CTIF: variants seen among roughly 807,000 people sequenced by gnomAD.
CTIF encodes CBP80/20-dependent translation initiation factor.
Under a neutral mutation model 66.0 loss-of-function variants are expected in CTIF, and 21 were observed. The observed-to-expected ratio is 0.32, with a 90% CI of 0.23 to 0.46. The LOEUF (loss-of-function observed/expected upper bound fraction) is 0.46. CTIF is among the 20% of genes least tolerant of loss of function. CTIF has a pLI of 1.00. For missense variants in CTIF, 739 were observed against 812.7 expected (o/e 0.91, Z 1.10); for synonymous variants, 345 against 326.4 (o/e 1.06, Z -0.62).
At chr18:48,830,732 AC>A (rs33979890) in intron 10 of CTIF, among the ~76,000 whole-genome samples, 118,733 of 132,892 alleles carry the variant, frequency 0.89, 52,968 homozygotes, top group East Asian at 1. Flanking sequence ...AGTTTCTCAG[AC>A]CCCCCCCCGA....
At chr18:48,747,843 T>C (rs1472028994) in intron 7 of CTIF, among the ~76,000 whole-genome samples, 1 of 151,684 alleles carries the variant, frequency 6.6e-6, no homozygotes, top group Non-Finnish European at 1.5e-5. Flanking sequence ...ACCTGAGCCC[T>C]GGAGGTCAAG....
In CTIF at chr18:48,621,785, T is replaced by C. The variant is rs2090498219; in HGVS notation, c.180+2040T>C. On this transcript the variant is annotated intron_variant, in intron 2 of 11. Transcript: ENST00000256413. ...AGACTAGGAGAATAGTACAACTGTT[T>C]TGAGGAGTTTAGCTGTAAAGGGGAG... is the stretch of plus-strand genomic sequence containing the variant. The C allele has an allele frequency of 2.7e-5, 6 of 225,932 alleles. No individual in the cohort carries two copies. In the South Asian group the frequency reaches 2.9e-4, roughly 11 times the overall value. 14.0% of individuals were successfully genotyped at this position (225,932 alleles called of 1,614,324 possible).
intron 1 of CTIF, among the ~76,000 whole-genome samples, chr18:48,571,838 G>GAC (rs2089422415): frequency 6.6e-6 from 1 of 151,476 alleles, no homozygotes; most frequent in Non-Finnish European, 1.5e-5. Context: ...ACAGAACCAT[G>GAC]AGAGAGAGAG....
intron 10 of CTIF, among the ~76,000 whole-genome samples, chr18:48,828,609 G>A (rs148200812): frequency 6.6e-6 from 1 of 152,318 alleles, no homozygotes; most frequent in African/African-American, 2.4e-5. Context: ...TTTCCAGCCG[G>A]AATTCTACTT....
intron 1 of CTIF, among the ~76,000 whole-genome samples, chr18:48,613,492 G>A (rs565968375): frequency 3.3e-5 from 5 of 152,282 alleles, no homozygotes; most frequent in Non-Finnish European, 4.4e-5. Context: ...GTTTGTTTGC[G>A]TCTAGGGTGG....
chr18:48,853,079 C>T (rs2069244904), intron 10 of CTIF, among the ~76,000 whole-genome samples: 2 of 152,178 alleles, frequency 1.3e-5, no homozygotes, highest in Non-Finnish European at 2.9e-5. Context: ...GTCACAGACT[C>T]TCAGCTGGGC....
At chr18:48,741,409 A>G (rs9961149) in intron 7 of CTIF, among the ~76,000 whole-genome samples, 38,654 of 143,622 alleles carry the variant, frequency 0.27, 5,776 homozygotes, top group East Asian at 0.66. Context: ...CCATCAGCCA[A>G]GTGACCAGGG....
intron 1 of CTIF, among the ~76,000 whole-genome samples, chr18:48,575,189 A>G (rs1438827721): frequency 1.3e-5 from 2 of 152,196 alleles, no homozygotes; most frequent in African/African-American, 2.4e-5. Context: ...GAGTCCAGCC[A>G]CTTTTGTTGA....
rs904038589 is a variant in CTIF, at chr18:48,754,394, G to A, written c.585-3525G>A. On this transcript the variant is annotated intron_variant, in intron 7 of 11. Transcript: ENST00000256413. Reference sequence around the variant, plus strand: ...GCCTCGGTTGTCTTATCTGTCGAATGGAAAGAAAGGTTCTTGGCCTGCCTG... The same window carrying A: ...GCCTCGGTTGTCTTATCTGTCGAATAGAAAGAAAGGTTCTTGGCCTGCCTG... Among the ~76,000 whole-genome samples, 47 of 152,296 alleles carry A rather than the reference G, an allele frequency of 3.1e-4. 1 individual carries two copies. The highest frequency in any genetic ancestry group is 1.1e-3 in the African/African-American group (47 of 41,560).
intron 7 of CTIF, among the ~76,000 whole-genome samples, chr18:48,712,933 A>G (rs1316074754): frequency 6.6e-6 from 1 of 152,240 alleles, no homozygotes; most frequent in Non-Finnish European, 1.5e-5. Flanking sequence ...TAGCTTGGGA[A>G]GAAGGCAGTG....
intron 7 of CTIF, among the ~76,000 whole-genome samples, chr18:48,732,383 C>T (rs992000757): frequency 6.6e-6 from 1 of 152,152 alleles, no homozygotes; most frequent in African/African-American, 2.4e-5. Flanking sequence ...CCCGAGAAGG[C>T]AGAAGGGGAC....
chr18:48,824,013 C>CAG (rs139376550), intron 10 of CTIF, among the ~76,000 whole-genome samples: 2,638 of 146,694 alleles, frequency 0.018, 48 homozygotes, highest in African/African-American at 0.052. Context: ...CACACACACA[C>CAG]AAACTGCTAG....
At chr18:48,624,959 A>G (rs1046678352) in intron 2 of CTIF, among the ~76,000 whole-genome samples, 1 of 152,230 alleles carries the variant, frequency 6.6e-6, no homozygotes, top group East Asian at 1.9e-4. Flanking sequence ...GGTTTCATCT[A>G]AAATGCAGTG....
At chr18:48,756,362 T>A (rs909567181) in intron 7 of CTIF, 1 of 152,178 alleles carries the variant, frequency 6.6e-6, no homozygotes, top group South Asian at 2.1e-4. Context: ...AAAAAAATAA[T>A]GCATTTAACC....
At chr18:48,602,996 GATGA>G (rs2090122550) in intron 1 of CTIF, among the ~76,000 whole-genome samples, 1 of 151,472 alleles carries the variant, frequency 6.6e-6, no homozygotes, top group East Asian at 1.9e-4. Flanking sequence ...TGGATGGGTG[GATGA>G]ATGAATGGGT....
chr18:48,612,917 G>A (rs569867503), intron 1 of CTIF, among the ~76,000 whole-genome samples: 2 of 152,284 alleles, frequency 1.3e-5, no homozygotes, highest in East Asian at 3.9e-4. Flanking sequence ...TCAGTGGGGT[G>A]TCAGAAGGGT....
chr18:48,822,236 A>G (rs906054065), intron 10 of CTIF, among the ~76,000 whole-genome samples: 1 of 152,088 alleles, frequency 6.6e-6, no homozygotes, highest in Admixed American at 6.6e-5. Flanking sequence ...ATTTGTACAT[A>G]TTTATGGGGT....
At chr18:48,608,772 C>G (rs2090253795) in intron 1 of CTIF, among the ~76,000 whole-genome samples, 1 of 152,204 alleles carries the variant, frequency 6.6e-6, no homozygotes. Flanking sequence ...GCTCTGGAAA[C>G]AGCTCGGTAC....
chr18:48,628,346 G>C (rs888219468), intron 2 of CTIF, among the ~76,000 whole-genome samples: 2 of 152,214 alleles, frequency 1.3e-5, no homozygotes, highest in Non-Finnish European at 2.9e-5. Context: ...GAAGTTTACA[G>C]GAGAGGATCA....
Sources: allele counts gnomAD v4.1 joint callset (sites outside exome capture counted in the v4.1 genomes callset), GRCh38; gene constraint gnomAD v4.1.1; transcripts MANE v1.5; gene names NCBI Gene and HGNC (gene_info 2026-07-23, HGNC 2026-07-21).